Variants in EPHB2 observed in about 807,000 individuals in gnomAD.
EPHB2 encodes the protein EPH receptor B2.
A neutral mutation model predicts 96.4 loss-of-function variants in EPHB2; 18 were observed. That is an observed-to-expected ratio of 0.19 (90% CI 0.13 to 0.28). The LOEUF (loss-of-function observed/expected upper bound fraction) is 0.28. EPHB2 is among the 10% of genes least tolerant of loss of function. The pLI is 1.00. For missense variants in EPHB2, 989 were observed against 1,355.4 expected, an observed-to-expected ratio of 0.73 and a Z score of 4.25; for synonymous variants, 506 against 534.1, an observed-to-expected ratio of 0.95 and a Z score of 0.72.
intron 3 of EPHB2, among the ~76,000 whole-genome samples, chr1:22,809,392 T>G (rs1358025265): frequency 1.3e-5 from 2 of 152,212 alleles, no homozygotes; most frequent in African/African-American, 4.8e-5. Flanking sequence ...CTTCCTAAGA[T>G]GTTTTTCCAA....
intron 3 of EPHB2, among the ~76,000 whole-genome samples, chr1:22,807,392 C>T (rs1367981112): frequency 3.3e-5 from 5 of 152,314 alleles, no homozygotes; most frequent in East Asian, 1.9e-4. Context: ...GCTGCCAAGG[C>T]GCTCAGAACG....
intron 1 of EPHB2, among the ~76,000 whole-genome samples, chr1:22,732,696 C>T (rs1643744984): frequency 6.6e-6 from 1 of 152,204 alleles, no homozygotes. Flanking sequence ...TGGAGGCCCT[C>T]TAAGGTCCAT....
At chr1:22,735,615 CCTT>C (rs1161184162) in intron 1 of EPHB2, among the ~76,000 whole-genome samples, 1 of 152,190 alleles carries the variant, frequency 6.6e-6, no homozygotes, top group Non-Finnish European at 1.5e-5. Flanking sequence ...CAGGGAGCCT[CCTT>C]CTCCCACTTC....
chr1:22,901,987 G>A (rs1318748429), intron 9 of EPHB2, among the ~76,000 whole-genome samples: 1 of 151,992 alleles, frequency 6.6e-6, no homozygotes, highest in Non-Finnish European at 1.5e-5. Flanking sequence ...TGCCATGCCT[G>A]GCTAACTTAT....
intron 1 of EPHB2, among the ~76,000 whole-genome samples, chr1:22,754,867 C>T (rs1297666316): frequency 0.19 from 1,087 of 5,702 alleles, no homozygotes; most frequent in East Asian, 0.29. Flanking sequence ...TGAGGTGAGG[C>T]AAGGGGCAGG....
chr1:22,801,220 C>G (rs900064129), intron 3 of EPHB2, among the ~76,000 whole-genome samples: 3 of 152,190 alleles, frequency 2.0e-5, no homozygotes, highest in Non-Finnish European at 4.4e-5. Context: ...GAGGTTCTCT[C>G]TCATCTGTCC....
intron 3 of EPHB2, among the ~76,000 whole-genome samples, chr1:22,825,322 G>A (rs1645207604): frequency 6.6e-6 from 1 of 152,228 alleles, no homozygotes; most frequent in Non-Finnish European, 1.5e-5. Context: ...CACCAAAGAT[G>A]CAGTTTTTCA....
intron 1 of EPHB2, among the ~76,000 whole-genome samples, chr1:22,738,069 A>AT (rs747471660): frequency 1.1e-4 from 16 of 152,086 alleles, no homozygotes; most frequent in Non-Finnish European, 2.1e-4. Context: ...CCATTTAAAG[A>AT]TAAAAAAAAT....
At chr1:22,736,456 C>T (rs775920240) in intron 1 of EPHB2, among the ~76,000 whole-genome samples, 9 of 152,172 alleles carry the variant, frequency 5.9e-5, no homozygotes, top group Admixed American at 3.9e-4. Flanking sequence ...ATGCATGAGC[C>T]GAGGCTCTGT....
Position 22,914,102 on chromosome 1 carries a change from A to G in EPHB2, c.*532A>G, listed in dbSNP as rs2124155905. The G allele has an allele frequency of 1.9e-6, 1 of 531,880 alleles. No homozygotes were observed. Among genetic ancestry groups the G allele is most frequent in the Middle Eastern group, 5.1e-4 (1 of 1,972 alleles). 32.9% of individuals were successfully genotyped at this position (531,880 alleles called of 1,614,324 possible). On this transcript the variant is annotated 3_prime_UTR_variant, in exon 16 of 16. Transcript: ENST00000374630. ...CAGATGGACAGACAGCCACCCTGAG[A>G]ACCCCTCTGGGAAAATCTATTCCTG...
Position 22,872,969 on chromosome 1 carries a change from C to T in EPHB2, c.1303+7757C>T, listed in dbSNP as rs534940701. 2.0e-4 allele frequency among the ~76,000 whole-genome samples: 31 copies of T among 152,314 alleles called. No individual in the cohort carries two copies. The South Asian group carries it at 3.5e-3, about 17-fold the overall frequency. On this transcript the variant is annotated intron_variant, in intron 5 of 15. Transcript: ENST00000374630. ...CCCTCCCTGGGCCGAGCCCTCTCCG[C>T]GCATCTTCCTCTTTGATCCTCCCAA...
intron 1 of EPHB2, among the ~76,000 whole-genome samples, chr1:22,758,605 G>C (rs941236717): frequency 4.0e-5 from 6 of 151,872 alleles, no homozygotes; most frequent in African/African-American, 1.5e-4. Context: ...TGGGATTCTG[G>C]CTGCCCCCAG....
chr1:22,913,891 T>A lies in EPHB2; in HGVS notation c.*321T>A. On this transcript the variant is annotated 3_prime_UTR_variant, in exon 16 of 16. Coordinates refer to ENST00000374630, the MANE Select transcript of EPHB2 (RefSeq NM_017449.5). This position sits in a 1 kb window ranked among gnomAD's most constrained non-coding sequence, Gnocchi z 4.1. ...GATAAAAAAGGGCTTGGGAGATTCA[T>A]GCGATGTGTCCAATCGGAGACAAAA... The A allele has an allele frequency of 6.3e-7, 1 of 1,575,214 alleles. No homozygotes were observed. The highest frequency in any genetic ancestry group is 8.6e-7 in the Non-Finnish European group (1 of 1,162,640).
intron 1 of EPHB2, among the ~76,000 whole-genome samples, chr1:22,712,268 G>C (rs1643171406): frequency 6.6e-6 from 1 of 152,124 alleles, no homozygotes; most frequent in African/African-American, 2.4e-5. Flanking sequence ...AGGGCCGTTG[G>C]GTGACAAAAA....
chr1:22,774,771 A>G (rs1023398674), intron 1 of EPHB2: 1 of 262,436 alleles, frequency 3.8e-6, no homozygotes, highest in Admixed American at 6.5e-5. Context: ...TGCTGTGTGG[A>G]GGTTGGATGC....
At chr1:22,832,732 T>G (rs1444189139) in intron 3 of EPHB2, among the ~76,000 whole-genome samples, 1 of 152,208 alleles carries the variant, frequency 6.6e-6, no homozygotes, top group African/African-American at 2.4e-5. Flanking sequence ...ATCAGAGTGT[T>G]TATCAGCAGT....
intron 3 of EPHB2, among the ~76,000 whole-genome samples, chr1:22,832,816 G>A (rs567162094): frequency 2.0e-5 from 3 of 152,250 alleles, no homozygotes; most frequent in South Asian, 4.2e-4. Context: ...AGAAGAGGGG[G>A]TACAATAAAT....
intron 6 of EPHB2, among the ~76,000 whole-genome samples, chr1:22,885,919 A>G (rs1274458058): frequency 6.6e-6 from 1 of 152,178 alleles, no homozygotes; most frequent in African/African-American, 2.4e-5. Context: ...GGAGATGGAC[A>G]CTGGTTCAGT....
At chr1:22,893,236 G>A (rs535548313) in intron 7 of EPHB2, among the ~76,000 whole-genome samples, 190 bp downstream of exon 7, 1 of 152,262 alleles carries the variant, frequency 6.6e-6, no homozygotes, top group South Asian at 2.1e-4. Context: ...TTCTGTTCCC[G>A]TTGTGTCAGC....
Sources: allele counts gnomAD v4.1 joint callset (sites outside exome capture counted in the v4.1 genomes callset), GRCh38; gene constraint gnomAD v4.1.1; non-coding constraint Gnocchi (gnomAD v3.1); transcripts MANE v1.5; gene names NCBI Gene and HGNC (gene_info 2026-07-23, HGNC 2026-07-21).